Variants in DLG2 observed in about 807,000 individuals in gnomAD.
DLG2 encodes the protein disks large homolog 2.
DLG2 carries 45 observed loss-of-function variants against 132.5 expected under a neutral mutation model. That is an observed-to-expected ratio of 0.34 (90% confidence interval 0.27 to 0.44). DLG2 has a LOEUF of 0.44. Ranked by LOEUF, DLG2 falls within the 20% of genes least tolerant of loss-of-function variation. DLG2 has a pLI of 1.00. For missense variants in DLG2, 1,045 were observed against 1,196.9 expected (o/e 0.87, Z 1.87); for synonymous variants, 424 against 419.6 (o/e 1.01, Z -0.13).
chr11:83,508,936 G>A (rs938845453), intron 21 of DLG2, among the ~76,000 whole-genome samples: 1 of 152,212 alleles, frequency 6.6e-6, no homozygotes, highest in Non-Finnish European at 1.5e-5. Flanking sequence ...GTTGGCTGAC[G>A]GAAGAATTGG....
chr11:83,758,922 A>G (rs550228090), intron 18 of DLG2, among the ~76,000 whole-genome samples: 1 of 152,310 alleles, frequency 6.6e-6, no homozygotes, highest in Non-Finnish European at 1.5e-5. Flanking sequence ...GATGAAGCAG[A>G]AACTATAAAA....
At chr11:84,307,604 GA>G in intron 7 of DLG2, among the ~76,000 whole-genome samples, 1 of 150,654 alleles carries the variant, frequency 6.6e-6, no homozygotes. Flanking sequence ...CCTGAGGCAG[GA>G]GAATGGCGTG....
At chr11:84,791,808 T>C (rs2073887204) in intron 6 of DLG2, among the ~76,000 whole-genome samples, 1 of 152,224 alleles carries the variant, frequency 6.6e-6, no homozygotes, top group South Asian at 2.1e-4. Flanking sequence ...TTATTGAATT[T>C]ATCAGTTCCG....
chr11:84,502,095 T>C (rs1444496369), intron 7 of DLG2, among the ~76,000 whole-genome samples: 12 of 149,090 alleles, frequency 8.0e-5, no homozygotes, highest in Admixed American at 3.3e-4. Flanking sequence ...TTCCTTCCTT[T>C]CTTTCTCACT....
intron 6 of DLG2, among the ~76,000 whole-genome samples, chr11:84,904,612 C>T (rs779704958): frequency 1.3e-5 from 2 of 152,140 alleles, no homozygotes; most frequent in African/African-American, 2.4e-5. Flanking sequence ...CCTTTAAGTC[C>T]AGCTATTGAA....
At chr11:84,402,638 T>C (rs1396734834) in intron 7 of DLG2, among the ~76,000 whole-genome samples, 3 of 151,776 alleles carry the variant, frequency 2.0e-5, no homozygotes, top group Non-Finnish European at 4.4e-5. Flanking sequence ...TACCCAGCAC[T>C]TTGAGAGGCC....
chr11:84,414,348 A>C (rs1166705434), intron 7 of DLG2, among the ~76,000 whole-genome samples: 1 of 152,214 alleles, frequency 6.6e-6, no homozygotes, highest in Non-Finnish European at 1.5e-5. Context: ...CACAGAAGAC[A>C]AGATTTACAG....
intron 6 of DLG2, among the ~76,000 whole-genome samples, chr11:84,893,852 G>A (rs1483443376): frequency 6.6e-6 from 1 of 152,104 alleles, no homozygotes; most frequent in African/African-American, 2.4e-5. Flanking sequence ...ACAGGAAATT[G>A]TTAGCTTACA....
intron 7 of DLG2, among the ~76,000 whole-genome samples, chr11:84,373,766 T>C (rs530705846): frequency 3.3e-5 from 5 of 152,208 alleles, no homozygotes; most frequent in Non-Finnish European, 7.3e-5. Context: ...ATTTTTAAGA[T>C]GTTCTTAAAA....
intron 11 of DLG2, among the ~76,000 whole-genome samples, chr11:84,058,978 A>T (rs189916799): frequency 6.6e-6 from 1 of 152,186 alleles, no homozygotes; most frequent in East Asian, 1.9e-4. Context: ...TTGCCAAATG[A>T]GAGGATTTAC....
intron 18 of DLG2, among the ~76,000 whole-genome samples, chr11:83,779,833 T>A (rs2094736747): frequency 6.6e-6 from 1 of 152,202 alleles, no homozygotes; most frequent in Non-Finnish European, 1.5e-5. Flanking sequence ...CATTTCTCCT[T>A]ATGTATTAAA....
chr11:84,989,587 A>T (rs1302015788), intron 6 of DLG2, among the ~76,000 whole-genome samples: 1 of 152,238 alleles, frequency 6.6e-6, no homozygotes, highest in Non-Finnish European at 1.5e-5. Flanking sequence ...AAATCTCAGC[A>T]AGACTTTTTG....
At chr11:84,958,429 A>C (rs775212112) in intron 6 of DLG2, among the ~76,000 whole-genome samples, 11 of 152,244 alleles carry the variant, frequency 7.2e-5, no homozygotes, top group South Asian at 2.1e-4. Flanking sequence ...CACAGTATTT[A>C]TTTAGCTCCT....
intron 19 of DLG2, among the ~76,000 whole-genome samples, chr11:83,601,401 G>A (rs1336143007): frequency 1.3e-5 from 2 of 152,066 alleles, no homozygotes; most frequent in Admixed American, 1.3e-4. Context: ...GTAAGTGTGG[G>A]GATGGAGCCA....
chr11:83,669,383 A>G lies in DLG2; in HGVS notation c.1826-36058T>C, dbSNP rs191637238. On this transcript the variant is annotated intron_variant, in intron 18 of 27. Coordinates refer to ENST00000376104, the MANE Select transcript of DLG2 (RefSeq NM_001142699.3). ...CATTCTAGGCTGCTGTGTCTCATGG[A>G]AGGTGTACTCCATCTTCATGAATAC... Among the ~76,000 whole-genome samples, 247 of 152,298 alleles carry G rather than the reference A, an allele frequency of 1.6e-3. 2 individuals carry two copies. Among genetic ancestry groups the G allele is most frequent in the Non-Finnish European group, 1.6e-4 (11 of 68,030 alleles).
intron 6 of DLG2, among the ~76,000 whole-genome samples, chr11:84,865,422 T>G (rs903625556): frequency 6.6e-6 from 1 of 152,200 alleles, no homozygotes; most frequent in African/African-American, 2.4e-5. Flanking sequence ...CATTTACACA[T>G]GTAGAGCCCA....
chr11:83,925,217 G>A (rs36087186), intron 15 of DLG2, among the ~76,000 whole-genome samples: 11,930 of 152,042 alleles, frequency 0.078, 665 homozygotes, highest in Non-Finnish European at 0.11. Context: ...TCATCACACC[G>A]TGCCCAAATA....
chr11:84,219,659 A>G (rs1027394656), intron 8 of DLG2, among the ~76,000 whole-genome samples: 2 of 152,136 alleles, frequency 1.3e-5, no homozygotes, highest in East Asian at 3.9e-4. Context: ...CCCTAGAAGG[A>G]GTGTTTTCAG....
At chr11:83,631,736 T>C (rs1297132279) in intron 19 of DLG2, 2 of 152,212 alleles carry the variant, frequency 1.3e-5, no homozygotes, top group Non-Finnish European at 1.5e-5. Context: ...AGACACTTGG[T>C]AATTTTCCCT....
Sources: gnomAD v4.1 joint callset for allele counts (sites outside exome capture counted in the v4.1 genomes callset) on GRCh38, gnomAD v4.1.1 for gene constraint, MANE v1.5 for transcripts, NCBI Gene and HGNC (gene_info 2026-07-23, HGNC 2026-07-21) for gene names.